The following MRPS28 variants were observed in gnomAD, a reference collection of about 807,000 sequenced individuals.
The protein encoded by MRPS28 is small ribosomal subunit protein bS1m.
A neutral mutation model predicts 10.8 loss-of-function variants in MRPS28; 7 were observed. That is an observed-to-expected ratio of 0.65 (90% CI 0.37 to 1.22). The LOEUF (loss-of-function observed/expected upper bound fraction) is 1.22. Among genes scored for constraint, MRPS28 ranks in the 50% most tolerant of loss-of-function variants. MRPS28 has a pLI of 0.02. For synonymous variants in MRPS28, 121 were observed against 93.3 expected, an observed-to-expected ratio of 1.30 and a Z score of -1.71; for missense variants, 265 against 232.9, an observed-to-expected ratio of 1.14 and a Z score of -0.90.
At chr8:79,995,708 A>C (rs537070413) in intron 2 of MRPS28, among the ~76,000 whole-genome samples, 1 of 152,274 alleles carries the variant, frequency 6.6e-6, no homozygotes, top group African/African-American at 2.4e-5. Flanking sequence ...GTGAGACCTA[A>C]ACAGAAGGAG....
chr8:79,947,792 G>A (rs964706026), intron 2 of MRPS28, among the ~76,000 whole-genome samples: 8 of 150,728 alleles, frequency 5.3e-5, no homozygotes, highest in Admixed American at 5.3e-4. Context: ...CTACCACTAC[G>A]CCCGGCTAAT....
At chr8:80,002,260 C>A (rs1398006938) in intron 2 of MRPS28, among the ~76,000 whole-genome samples, 1 of 151,656 alleles carries the variant, frequency 6.6e-6, no homozygotes, top group Non-Finnish European at 1.5e-5. Context: ...TCTAAAATAC[C>A]ATTGATTACT....
chr8:80,011,006 T>C (rs568423323), intron 1 of MRPS28, among the ~76,000 whole-genome samples: 2 of 152,306 alleles, frequency 1.3e-5, no homozygotes, highest in East Asian at 3.9e-4. Flanking sequence ...ACTTTGAAAA[T>C]AGTTCTTTCT....
At chr8:79,986,692 A>C (rs1159640584) in intron 2 of MRPS28, among the ~76,000 whole-genome samples, 2 of 151,812 alleles carry the variant, frequency 1.3e-5, no homozygotes, top group African/African-American at 2.4e-5. Flanking sequence ...CAAAGAGAAT[A>C]AAATACCTAG....
intron 2 of MRPS28, among the ~76,000 whole-genome samples, chr8:79,931,381 A>G (rs948230183): frequency 6.6e-6 from 1 of 152,244 alleles, no homozygotes; most frequent in Non-Finnish European, 1.5e-5. Flanking sequence ...GAAAAAGCAG[A>G]ATTCTGCACA....
intron 2 of MRPS28, among the ~76,000 whole-genome samples, chr8:79,943,958 T>C (rs1030994460): frequency 6.6e-6 from 1 of 152,122 alleles, no homozygotes; most frequent in Non-Finnish European, 1.5e-5. Flanking sequence ...ATTTTAGCCA[T>C]AGTAAAAATC....
At chr8:79,919,443 C>A (rs1028683897) in intron 2 of MRPS28, among the ~76,000 whole-genome samples, 2 of 151,948 alleles carry the variant, frequency 1.3e-5, no homozygotes, top group African/African-American at 4.8e-5. Context: ...TGGGCTCAAG[C>A]GACTCTCCTG....
Position 79,919,005 on chromosome 8 carries a change from G to C in MRPS28, c.539C>G (p.Ser180Trp), listed in dbSNP as rs773147829. 7 of 1,564,048 alleles carry C rather than the reference G, an allele frequency of 4.5e-6. No individual in the cohort carries two copies. In the African/African-American group the frequency reaches 6.9e-5, roughly 15 times the overall value. The change falls in exon 3 of 3, where the codon TCG becomes TGG. Residue 180 changes from serine to tryptophan, a missense_variant. Ser to Trp is a radical substitution (Grantham distance 177). Transcript: ENST00000276585. The part of the protein sequence containing the change: ...LGIQESKDSR[S>W]KEEHHEK ...TTATTTTTCATGATGTTCTTCTTTC[G>C]ATCTTGAGTCTTTACTCTCCTGGAT...
At chr8:79,970,133 C>T (rs538921444) in intron 2 of MRPS28, among the ~76,000 whole-genome samples, 2 of 152,076 alleles carry the variant, frequency 1.3e-5, no homozygotes, top group Admixed American at 6.5e-5. Context: ...GCATATGGCT[C>T]CACCTGCAAA....
chr8:79,991,578 TC>T (rs1808362664), intron 2 of MRPS28, among the ~76,000 whole-genome samples: 2 of 152,232 alleles, frequency 1.3e-5, no homozygotes, highest in African/African-American at 4.8e-5. Context: ...TTAAGTAGTG[TC>T]TAATAATATA....
At chr8:79,947,467 T>TA (rs1806949069) in intron 2 of MRPS28, among the ~76,000 whole-genome samples, 1 of 152,120 alleles carries the variant, frequency 6.6e-6, no homozygotes, top group Non-Finnish European at 1.5e-5. Context: ...TTGACTGAGA[T>TA]TACATTAAAT....
intron 2 of MRPS28, among the ~76,000 whole-genome samples, chr8:79,987,708 T>A (rs368197034): frequency 7.2e-5 from 11 of 152,160 alleles, no homozygotes; most frequent in African/African-American, 1.9e-4. Flanking sequence ...AGAGAAATGC[T>A]AATCAAAACC....
chr8:79,939,786 T>C (rs1357786975), intron 2 of MRPS28, among the ~76,000 whole-genome samples: 2 of 151,788 alleles, frequency 1.3e-5, no homozygotes, highest in African/African-American at 2.4e-5. Flanking sequence ...CTAGCTAACA[T>C]GGTGAAACCC....
At chr8:80,015,244 C>A (rs1421763054) in intron 1 of MRPS28, among the ~76,000 whole-genome samples, 1 of 152,198 alleles carries the variant, frequency 6.6e-6, no homozygotes, top group Non-Finnish European at 1.5e-5. Flanking sequence ...TGAAATACAT[C>A]AGAGCACTCT....
Position 79,981,107 on chromosome 8 carries a change from T to C in MRPS28, c.395+21892A>G, listed in dbSNP as rs909531880. Among the ~76,000 whole-genome samples the C allele has an allele frequency of 5.3e-5, 8 of 152,148 alleles. No homozygotes were observed. In the South Asian group the frequency reaches 1.0e-3, roughly 20 times the overall value. ...ACTCTGGGAGGCCGAAGCTGGCAGA[T>C]TGCTTGAGTTCAGGAGTTCAAGATG... On this transcript the variant is annotated intron_variant, in intron 2 of 2. Coordinates refer to ENST00000276585, the MANE Select transcript of MRPS28 (RefSeq NM_014018.3).
intron 2 of MRPS28, among the ~76,000 whole-genome samples, chr8:79,987,819 A>G (rs1808235157): frequency 6.6e-6 from 1 of 152,228 alleles, no homozygotes; most frequent in Non-Finnish European, 1.5e-5. Flanking sequence ...ACACTTTTAC[A>G]CGGTTGGTGG....
Position 79,952,272 on chromosome 8 carries a change from A to T in MRPS28, c.396-33124T>A, listed in dbSNP as rs143175284. On this transcript the variant is annotated intron_variant, in intron 2 of 2. Coordinates refer to ENST00000276585, the MANE Select transcript of MRPS28 (RefSeq NM_014018.3). The stretch of plus-strand genomic sequence containing the variant: ...ATTTTGTTCATATCGATTGAGAAGT[A>T]CTATCATGACAGATTTAACAAGGAA... Among the ~76,000 whole-genome samples, 333 of 152,352 alleles carry T rather than the reference A, an allele frequency of 2.2e-3. 2 individuals are homozygous for T. The highest frequency in any genetic ancestry group is 7.6e-3 in the African/African-American group (315 of 41,578).
At chr8:79,939,759 A>G (rs1359656321) in intron 2 of MRPS28, among the ~76,000 whole-genome samples, 1 of 152,094 alleles carries the variant, frequency 6.6e-6, no homozygotes, top group Admixed American at 6.6e-5. Context: ...TCACGAGGTC[A>G]GGAGATCGAG....
intron 1 of MRPS28, among the ~76,000 whole-genome samples, chr8:80,009,892 T>C (rs1477294411): frequency 6.6e-6 from 1 of 152,172 alleles, no homozygotes; most frequent in Admixed American, 6.5e-5. Context: ...CACTATTCTT[T>C]TAATACAAAT....
Sources: gnomAD v4.1 joint callset for allele counts (sites outside exome capture counted in the v4.1 genomes callset) on GRCh38, gnomAD v4.1.1 for gene constraint, MANE v1.5 for transcripts, NCBI Gene and HGNC (gene_info 2026-07-23, HGNC 2026-07-21) for gene names.